The following ALK variants were observed in gnomAD, a reference collection of about 807,000 sequenced individuals.
ALK encodes the protein ALK receptor tyrosine kinase.
A neutral mutation model predicts 163.1 loss-of-function variants in ALK; 74 were observed. The observed-to-expected ratio is 0.45, with a 90% CI of 0.38 to 0.55. The LOEUF (loss-of-function observed/expected upper bound fraction) is 0.55. ALK is among the 20% of genes least tolerant of loss of function. The pLI, the probability that ALK is intolerant of heterozygous loss-of-function variation, is 0.00. For synonymous variants in ALK, 960 were observed against 843.2 expected (o/e 1.14, Z -2.40); for missense variants, 2,063 against 2,105.3 (o/e 0.98, Z 0.39).
At chr2:29,665,677 A>T (rs1404627763) in intron 3 of ALK, among the ~76,000 whole-genome samples, 1 of 152,114 alleles carries the variant, frequency 6.6e-6, no homozygotes, top group Non-Finnish European at 1.5e-5. Flanking sequence ...CTTGGCTAAG[A>T]ACATTACACC....
In ALK at chr2:29,433,349, C is replaced by T. The variant is rs73923628; in HGVS notation, c.1155-49490G>A. On this transcript the variant is annotated intron_variant, in intron 4 of 28. Transcript: ENST00000389048. ...ATTTCTAACAAGCTCCCAGACAAGA[C>T]GGATGTTGACCACACTTTAGGTGGC... Among the ~76,000 whole-genome samples, 494 of 152,180 alleles carry T rather than the reference C, an allele frequency of 3.2e-3. 4 individuals carry two copies. Among genetic ancestry groups the T allele is most frequent in the African/African-American group, 0.011 (438 of 41,500 alleles).
intron 1 of ALK, among the ~76,000 whole-genome samples, chr2:29,902,838 C>T (rs879074070): frequency 3.3e-5 from 5 of 152,124 alleles, no homozygotes; most frequent in Admixed American, 1.3e-4. Context: ...GTTCTTTGCC[C>T]GAAGACATTT....
At chr2:29,901,974 C>T (rs1667424310) in intron 1 of ALK, among the ~76,000 whole-genome samples, 1 of 152,146 alleles carries the variant, frequency 6.6e-6, no homozygotes, top group Non-Finnish European at 1.5e-5. Flanking sequence ...ACTTTGAATA[C>T]AGTTGCATAA....
In ALK at chr2:29,707,731, A is replaced by T. The variant is rs139402373; in HGVS notation, c.787+9847T>A. On this transcript the variant is annotated intron_variant, in intron 2 of 28. Transcript: ENST00000389048. ...CAAGTTCCAGAGGGCAAAACTAGGGACTTAAAAGAGTTTTAAGCAAGAGGC... is the reference window on the plus strand; with the variant it reads ...CAAGTTCCAGAGGGCAAAACTAGGGTCTTAAAAGAGTTTTAAGCAAGAGGC... Among the ~76,000 whole-genome samples the T allele has an allele frequency of 5.6e-3, 848 of 152,330 alleles. 4 individuals carry two copies. The highest frequency in any genetic ancestry group is 0.034 in the Middle Eastern group (10 of 294).
intron 1 of ALK, among the ~76,000 whole-genome samples, chr2:29,823,946 C>T (rs1014874065): frequency 2.0e-5 from 3 of 152,148 alleles, no homozygotes; most frequent in African/African-American, 7.2e-5. Flanking sequence ...TCACAGCAGC[C>T]CCTCCTCCCC....
At chr2:29,281,970 A>G (rs1665729470) in intron 9 of ALK, among the ~76,000 whole-genome samples, 1 of 152,246 alleles carries the variant, frequency 6.6e-6, no homozygotes, top group Admixed American at 6.5e-5. Context: ...AATGATTTTA[A>G]GTAGCTGACA....
At chr2:29,510,078 C>T (rs1672468013) in intron 4 of ALK, among the ~76,000 whole-genome samples, 1 of 152,128 alleles carries the variant, frequency 6.6e-6, no homozygotes, top group Admixed American at 6.5e-5. Context: ...GCCACAGTCC[C>T]TGACATTCTT....
chr2:29,316,899 G>A (rs1355882145), intron 8 of ALK, among the ~76,000 whole-genome samples: 2 of 152,148 alleles, frequency 1.3e-5, no homozygotes, highest in Non-Finnish European at 2.9e-5. Flanking sequence ...GGCGAATGTC[G>A]AGTTATAAAA....
chr2:29,259,385 T>C (rs1250820972), intron 11 of ALK, among the ~76,000 whole-genome samples: 1 of 152,172 alleles, frequency 6.6e-6, no homozygotes, highest in Non-Finnish European at 1.5e-5. Flanking sequence ...TACTTCGTCA[T>C]AGTTCTGTAA....
chr2:29,771,851 T>C (rs919690466), intron 1 of ALK, among the ~76,000 whole-genome samples: 1 of 152,272 alleles, frequency 6.6e-6, no homozygotes, highest in Admixed American at 6.5e-5. Context: ...TGGAATTCTA[T>C]ACCCAGAGAA....
At chr2:29,476,322 A>T (rs1671519472) in intron 4 of ALK, among the ~76,000 whole-genome samples, 1 of 152,226 alleles carries the variant, frequency 6.6e-6, no homozygotes. Flanking sequence ...TCTGGCCTGG[A>T]TGATCCTACA....
intron 3 of ALK, among the ~76,000 whole-genome samples, chr2:29,542,512 C>G (rs561578943): frequency 6.6e-6 from 1 of 152,246 alleles, no homozygotes; most frequent in East Asian, 1.9e-4. Context: ...ATGTTTATTT[C>G]ATCTTTACAT....
At chr2:29,368,979 C>A (rs954453841) in intron 5 of ALK, among the ~76,000 whole-genome samples, 1 of 152,170 alleles carries the variant, frequency 6.6e-6, no homozygotes, top group African/African-American at 2.4e-5. Flanking sequence ...AAAAAACCGC[C>A]AGCACTCGCC....
intron 1 of ALK, among the ~76,000 whole-genome samples, chr2:29,720,841 CT>C (rs1363373161): frequency 6.6e-6 from 1 of 152,074 alleles, no homozygotes; most frequent in Non-Finnish European, 1.5e-5. Flanking sequence ...TAGAGAAAGC[CT>C]TGTCTTTTCA....
intron 1 of ALK, among the ~76,000 whole-genome samples, chr2:29,919,336 A>C: frequency 7.0e-6 from 1 of 142,186 alleles, no homozygotes; most frequent in Admixed American, 7.6e-5. Flanking sequence ...CTTCCTCCAC[A>C]CCTCCCTCCT....
intron 3 of ALK, among the ~76,000 whole-genome samples, chr2:29,607,428 A>G (rs1216041419): frequency 6.6e-6 from 1 of 152,192 alleles, no homozygotes; most frequent in African/African-American, 2.4e-5. Flanking sequence ...CATTTGCAAT[A>G]GAACTCCTCT....
chr2:29,368,137 T>C (rs1271763967), intron 5 of ALK, among the ~76,000 whole-genome samples: 1 of 152,182 alleles, frequency 6.6e-6, no homozygotes, highest in Non-Finnish European at 1.5e-5. Context: ...TAAAGTCAAA[T>C]AGGCTGTGGC....
chr2:29,901,202 T>C (rs183984242), intron 1 of ALK, among the ~76,000 whole-genome samples: 3 of 152,310 alleles, frequency 2.0e-5, no homozygotes, highest in Non-Finnish European at 4.4e-5. Flanking sequence ...GATAAAACTA[T>C]CTGTCTCTTG....
intron 26 of ALK, among the ~76,000 whole-genome samples, chr2:29,206,352 G>C (rs1669310350): frequency 6.6e-6 from 1 of 151,134 alleles, no homozygotes; most frequent in Admixed American, 6.6e-5. Flanking sequence ...GCTCACTGCA[G>C]CCTTGACTTC....
Sources: allele counts gnomAD v4.1 joint callset (sites outside exome capture counted in the v4.1 genomes callset), GRCh38; gene constraint gnomAD v4.1.1; transcripts MANE v1.5; gene names NCBI Gene and HGNC (gene_info 2026-07-23, HGNC 2026-07-21).